Variants in ZNF467 observed in about 807,000 individuals in gnomAD.
The protein encoded by ZNF467 is zinc finger protein 467, also known as zinc finger protein EZI.
A neutral mutation model predicts 47.8 loss-of-function variants in ZNF467; 51 were observed. The observed-to-expected ratio is 1.07, with a 90% confidence interval of 0.85 to 1.35. ZNF467 has a LOEUF of 1.35. ZNF467 is among the 40% of genes most tolerant of loss of function. The pLI is 0.00. For missense variants in ZNF467, 992 were observed against 858.1 expected (o/e 1.16, Z -1.95); for synonymous variants, 416 against 372.9 (o/e 1.12, Z -1.33).
In ZNF467 at chr7:149,764,302, G is replaced by GCCGTATCAT; in HGVS notation, c.*411_*412insATGATACGG. ...GGGTGGTCTGTGTGTGGATGGAGGT[G>GCCGTATCAT]GGACAGTGGCTAAGGAGAGTCAGGT... On this transcript the variant is annotated 3_prime_UTR_variant, in exon 5 of 5. Transcript: ENST00000302017. 2.0e-6 allele frequency: 1 copy of GCCGTATCAT among 506,000 alleles called. No individual in the cohort carries two copies. The allele number at this position is 506,000 out of a possible 1,614,324, so 31.3% of individuals were successfully genotyped here.
At chr7:149,772,259 TC>T (rs1280392713) in intron 1 of ZNF467, among the ~76,000 whole-genome samples, 1 of 17,186 alleles carries the variant, frequency 5.8e-5, no homozygotes, top group African/African-American at 3.0e-4. Flanking sequence ...GCCCTCCCCC[TC>T]CCCCCTCCCT....
In ZNF467 at chr7:149,765,687, A is replaced by C. The variant is rs1290554369; in HGVS notation, c.815T>G (p.Phe272Cys). 6.2e-7 allele frequency: 1 copy of C among 1,613,198 alleles called. No homozygotes were observed. The highest frequency in any genetic ancestry group is 1.3e-5 in the African/African-American group (1 of 74,926). The change falls in exon 5 of 5, where the codon TTC (phenylalanine) becomes TGC (cysteine). Residue 272 changes from phenylalanine (F) to cysteine (C), a missense_variant. Coordinates refer to ENST00000302017, the MANE Select transcript of ZNF467 (RefSeq NM_207336.3). ...HQKTHTGERPFPCTECEKRFR... is the reference protein window; with the variant it reads ...HQKTHTGERPCPCTECEKRFR... ...GCGCTTCTCGCATTCCGTGCAGGGG[A>C]AGGGCCGCTCGCCGGTGTGGGTCTT...
Position 149,769,299 on chromosome 7 carries a change from C to T in ZNF467, c.152-99G>A. Reference sequence around the variant, plus strand: ...AGCAGGAGCATTTGAAACCCTGGCTCCAGCAGGGCCCACAGGGTTCCTCCC... The same window carrying T: ...AGCAGGAGCATTTGAAACCCTGGCTTCAGCAGGGCCCACAGGGTTCCTCCC... On this transcript the variant is annotated intron_variant, in intron 3 of 4. Transcript: ENST00000302017. This position sits in a 1 kb window ranked among gnomAD's most constrained non-coding sequence, Gnocchi z 5.3. 1 of 1,063,512 alleles carries T rather than the reference C, an allele frequency of 9.4e-7. No individual in the cohort carries two copies. Among genetic ancestry groups the T allele is most frequent in the Non-Finnish European group, 1.3e-6 (1 of 754,134 alleles). 65.9% of individuals were successfully genotyped at this position (1,063,512 alleles called of 1,614,324 possible).
In ZNF467 at chr7:149,765,004, A is replaced by C. The variant is rs562732635; in HGVS notation, c.1498T>G (p.Ser500Ala). ...AQCGRRFSRK[S>A]HLGRHQAVHT... ...ACCGCCTGGTGGCGGCCCAGGTGCGACTTGCGGCTGAAGCGGCGGCCGCAC... is the reference window on the plus strand; with the variant it reads ...ACCGCCTGGTGGCGGCCCAGGTGCGCCTTGCGGCTGAAGCGGCGGCCGCAC... Residue 500 changes from serine (S) to alanine (A), a missense_variant, in exon 5 of 5, where the codon TCG (serine) becomes GCG (alanine). Coordinates refer to ENST00000302017, the MANE Select transcript of ZNF467 (RefSeq NM_207336.3). 1 of 1,587,858 alleles carries C rather than the reference A, an allele frequency of 6.3e-7. No individual in the cohort carries two copies. Among genetic ancestry groups the C allele is most frequent in the South Asian group, 1.1e-5 (1 of 90,112 alleles).
Position 149,769,296 on chromosome 7 carries a change from G to T in ZNF467, c.152-96C>A. On this transcript the variant is annotated intron_variant, in intron 3 of 4. Transcript: ENST00000302017. This position sits in a 1 kb window ranked among gnomAD's most constrained non-coding sequence, Gnocchi z 5.3. The stretch of plus-strand genomic sequence containing the variant: ...GGAAGCAGGAGCATTTGAAACCCTG[G>T]CTCCAGCAGGGCCCACAGGGTTCCT... 1 of 1,119,034 alleles carries T rather than the reference G, an allele frequency of 8.9e-7. No individual in the cohort carries two copies. 69.3% of individuals were successfully genotyped at this position (1,119,034 alleles called of 1,614,324 possible).
In ZNF467 at chr7:149,770,536, C is replaced by T. The variant is rs748663837; in HGVS notation, c.55G>A (p.Glu19Lys). ...CTGGGCTCACTTTGGGGGGCCATCTCTGGCTGTCCCACAGAGAATCCTGTT... is the reference window on the plus strand; with the variant it reads ...CTGGGCTCACTTTGGGGGGCCATCTTTGGCTGTCCCACAGAGAATCCTGTT... ...SSLGFSVGQP[E>K]MAPQSEPREG... The change falls in exon 3 of 5, where the codon GAG becomes AAG. Residue 19 changes from glutamate to lysine, a missense_variant. Coordinates refer to ENST00000302017, the MANE Select transcript of ZNF467 (RefSeq NM_207336.3). The T allele has an allele frequency of 6.2e-7, 1 of 1,613,466 alleles. No individual in the cohort carries two copies. The highest frequency in any genetic ancestry group is 8.5e-7 in the Non-Finnish European group (1 of 1,179,692).
chr7:149,765,400 T>G lies in ZNF467; in HGVS notation c.1102A>C (p.Lys368Gln). 3 of 1,572,210 alleles carry G rather than the reference T, an allele frequency of 1.9e-6. No individual in the cohort carries two copies. The highest frequency in any genetic ancestry group is 1.3e-5 in the African/African-American group (1 of 74,366). The change falls in exon 5 of 5, where the codon AAG (lysine) becomes CAG (glutamine). Residue 368 changes from lysine to glutamine, a missense_variant. Physicochemically the swap from Lys to Gln is moderately conservative, Grantham distance 53 (BLOSUM62 1). Transcript: ENST00000302017. ...SDCGLSFGWK[K>Q]NLATHQCLHR... Reference sequence around the variant, plus strand: ...AGACACTGGTGCGTGGCGAGGTTCTTTTTCCAGCCGAAGCTCAAGCCGCAG... The same window carrying G: ...AGACACTGGTGCGTGGCGAGGTTCTGTTTCCAGCCGAAGCTCAAGCCGCAG...
chr7:149,766,749 C>G (rs1278855130), intron 4 of ZNF467, among the ~76,000 whole-genome samples: 2 of 152,308 alleles, frequency 1.3e-5, no homozygotes, highest in East Asian at 1.9e-4. Context: ...TCCCTGGTGG[C>G]CTTGAAAACT....
chr7:149,770,475 G>GA lies in ZNF467; in HGVS notation c.115dup (p.Ser39PhefsTer3). The GA allele has an allele frequency of 6.2e-7, 1 of 1,613,596 alleles. No individual in the cohort carries two copies. Among genetic ancestry groups the GA allele is most frequent in the Non-Finnish European group, 8.5e-7 (1 of 1,179,840 alleles). The stretch of plus-strand genomic sequence containing the variant: ...CCCCAGTGCTCTCTCTTCCCTAGAA[G>GA]AGGACATCTGCTCCTGGGCATTATG... On this transcript the variant is annotated frameshift_variant, in exon 3 of 5. Transcript: ENST00000302017. LOFTEE classifies it high-confidence loss of function.
chr7:149,772,050 C>G (rs1484017210), intron 1 of ZNF467, among the ~76,000 whole-genome samples: 1 of 143,592 alleles, frequency 7.0e-6, no homozygotes. Flanking sequence ...GCTGCACACC[C>G]TCTCCCTTCC....
chr7:149,775,108 C>T (rs570360241), upstream of ZNF467, among the ~76,000 whole-genome samples: 16 of 152,188 alleles, frequency 1.1e-4, no homozygotes, highest in South Asian at 4.1e-4. Flanking sequence ...TTTCATCCGG[C>T]TTAGCTCTGC....
In ZNF467 at chr7:149,771,013, G is replaced by T; in HGVS notation, c.20C>A (p.Ala7Asp). 2 of 1,614,054 alleles carry T rather than the reference G, an allele frequency of 1.2e-6. No homozygotes were observed. The highest frequency in any genetic ancestry group is 1.7e-6 in the Non-Finnish European group (2 of 1,179,956). ...TGCCAGCTCACCCAGGGAGCTGAGG[G>T]CCTCCAAGGTCTCTCTCATGGTAAC... MRETLEALSSLGFSVGQ... is the reference protein window; with the variant it reads MRETLEDLSSLGFSVGQ... The change falls in exon 2 of 5, where the codon GCC becomes GAC. Residue 7 changes from alanine (A) to aspartate (D), a missense_variant. Transcript: ENST00000302017.
Position 149,765,809 on chromosome 7 carries a change from C to T in ZNF467, c.693G>A (p.Leu231=). The T allele has an allele frequency of 1.2e-6, 2 of 1,610,814 alleles. No homozygotes were observed. Among genetic ancestry groups the T allele is most frequent in the Non-Finnish European group, 1.7e-6 (2 of 1,178,784 alleles). Residue 231 remains leucine (L), a synonymous_variant, in exon 5 of 5, where the codon CTG becomes CTA. Transcript: ENST00000302017. ...CDKRFSKKAH[L]TRHLRTHTGE... is the part of the protein sequence containing the mutation. ...CCGTGTGCGTGCGCAGGTGGCGGGTCAGATGGGCCTTCTTGCTGAAGCGCT... is the reference window on the plus strand; with the variant it reads ...CCGTGTGCGTGCGCAGGTGGCGGGTTAGATGGGCCTTCTTGCTGAAGCGCT...
In ZNF467 at chr7:149,769,195, C is replaced by G. The variant is rs558365906; in HGVS notation, c.157G>C (p.Glu53Gln). The change falls in exon 4 of 5, where the codon GAG (glutamate) becomes CAG (glutamine). Residue 53 changes from glutamate to glutamine, a missense_variant. Transcript: ENST00000302017. This position sits in a 1 kb window ranked among gnomAD's most constrained non-coding sequence, Gnocchi z 5.3. ...ERALGVCSGHEAPTPEEGAHT... is the reference protein window; with the variant it reads ...ERALGVCSGHQAPTPEEGAHT... ...GCACCTTCCTCCGGTGTAGGGGCCT[C>G]GTGCCCTGGCAGAGAATAGGATACC... is the stretch of plus-strand genomic sequence containing the variant. The G allele has an allele frequency of 5.1e-6, 8 of 1,554,340 alleles. No homozygotes were observed. The highest frequency in any genetic ancestry group is 7.0e-6 in the Non-Finnish European group (8 of 1,148,500).
intron 1 of ZNF467, among the ~76,000 whole-genome samples, chr7:149,772,640 C>T (rs893058975): frequency 6.7e-6 from 1 of 149,844 alleles, no homozygotes; most frequent in Admixed American, 6.6e-5. Flanking sequence ...CGCCGCCCTC[C>T]CAAGCAGCTC....
intron 1 of ZNF467, among the ~76,000 whole-genome samples, chr7:149,772,439 G>A (rs1162694794): frequency 8.5e-6 from 1 of 116,982 alleles, no homozygotes; most frequent in Non-Finnish European, 1.8e-5. Flanking sequence ...CAAGCCTGGG[G>A]GTCTAGGGCT....
At chr7:149,766,395 G>C (rs1799224068) in intron 4 of ZNF467, among the ~76,000 whole-genome samples, 156 bp from the exon 5 acceptor site, 1 of 152,124 alleles carries the variant, frequency 6.6e-6, no homozygotes, top group Non-Finnish European at 1.5e-5. Flanking sequence ...CTCTTCTCAG[G>C]CCCCCTCCTG....
At chr7:149,768,511 G>A (rs1162561188) in intron 4 of ZNF467, among the ~76,000 whole-genome samples, 2 of 152,224 alleles carry the variant, frequency 1.3e-5, no homozygotes, top group East Asian at 1.9e-4. Context: ...AACACAGCCT[G>A]TATGTAGTCG....
At chr7:149,773,085 A>T (rs1373774951) in intron 1 of ZNF467, 23 bp downstream of exon 1, 1 of 149,104 alleles carries the variant, frequency 6.7e-6, no homozygotes, top group Non-Finnish European at 1.5e-5. Flanking sequence ...GGCCGCCTGC[A>T]GAGGAGCCTC....
Sources: gnomAD v4.1 joint callset for allele counts (sites outside exome capture counted in the v4.1 genomes callset) on GRCh38, gnomAD v4.1.1 for gene constraint, Gnocchi (gnomAD v3.1) non-coding constraint, MANE v1.5 for transcripts, NCBI Gene and HGNC (gene_info 2026-07-23, HGNC 2026-07-21) for gene names.